Variants in LPP observed in about 807,000 individuals in gnomAD.
LPP encodes lipoma-preferred partner.
Under a neutral mutation model 60.4 loss-of-function variants are expected in LPP, and 38 were observed. The observed-to-expected ratio is 0.63, with a 90% CI of 0.49 to 0.83. The LOEUF is 0.83. LPP is among the 40% of genes least tolerant of loss of function. The pLI is 0.00. For missense variants in LPP, 902 were observed against 783.6 expected (o/e 1.15, Z -1.80); for synonymous variants, 328 against 290.8 (o/e 1.13, Z -1.30).
chr3:188,539,932 G>A (rs1048826556), intron 6 of LPP, among the ~76,000 whole-genome samples: 4 of 152,056 alleles, frequency 2.6e-5, no homozygotes, highest in African/African-American at 9.7e-5. Context: ...TATAAAACTT[G>A]GAAGGAAGAA....
intron 2 of LPP, among the ~76,000 whole-genome samples, chr3:188,294,083 A>G (rs972367680): frequency 1.4e-5 from 2 of 142,614 alleles, no homozygotes; most frequent in African/African-American, 2.7e-5. Flanking sequence ...AAAAAAAAAA[A>G]GCCAGTTATG....
At chr3:188,761,596 C>T (rs138394025) in intron 9 of LPP, among the ~76,000 whole-genome samples, 4 of 152,306 alleles carry the variant, frequency 2.6e-5, no homozygotes, top group African/African-American at 4.8e-5. Context: ...AAAGCGACTT[C>T]GTATGACCTA....
intron 1 of LPP, among the ~76,000 whole-genome samples, chr3:188,193,828 G>C (rs1361652832): frequency 1.3e-5 from 2 of 152,134 alleles, no homozygotes; most frequent in Non-Finnish European, 2.9e-5. Context: ...ATTTTTCCTG[G>C]AGTTACACTG....
chr3:188,760,262 T>C lies in LPP; in HGVS notation c.1390T>C (p.Tyr464His). The C allele has an allele frequency of 6.2e-7, 1 of 1,614,136 alleles. No homozygotes were observed. Among genetic ancestry groups the C allele is most frequent in the Non-Finnish European group, 8.5e-7 (1 of 1,180,012 alleles). The change falls in exon 9 of 12, where the codon TAC becomes CAC. Residue 464 changes from tyrosine (Y) to histidine (H), a missense_variant. Physicochemically the swap from Tyr to His is moderately conservative, Grantham distance 83. Transcript: ENST00000617246. ...ATTCTATGCTGTGGAAAAGAAAGCA[T>C]ACTGCGAGCCCTGCTACATTGTAAG... ...QPFYAVEKKA[Y>H]CEPCYINTLE... is the part of the protein sequence containing the mutation.
intron 2 of LPP, among the ~76,000 whole-genome samples, chr3:188,263,006 TAGCTG>T (rs1325408586): frequency 6.6e-6 from 1 of 152,142 alleles, no homozygotes; most frequent in African/African-American, 2.4e-5. Context: ...CTGTGTCCTT[TAGCTG>T]AGCTATTTTT....
At chr3:188,402,409 C>T (rs1440374311) in intron 3 of LPP, among the ~76,000 whole-genome samples, 1 of 152,140 alleles carries the variant, frequency 6.6e-6, no homozygotes, top group Non-Finnish European at 1.5e-5. Flanking sequence ...ACTTTATCAA[C>T]ATATTTCATT....
chr3:188,241,403 C>T (rs1356409540), intron 2 of LPP, among the ~76,000 whole-genome samples: 2 of 152,210 alleles, frequency 1.3e-5, no homozygotes, highest in Non-Finnish European at 2.9e-5. Flanking sequence ...TTAAGCATCT[C>T]CCTACTCGTT....
chr3:188,394,289 G>T (rs1184248234), intron 3 of LPP, among the ~76,000 whole-genome samples: 4 of 152,180 alleles, frequency 2.6e-5, no homozygotes, highest in Non-Finnish European at 5.9e-5. Context: ...GGACCAATAG[G>T]TGGTACTTAT....
In LPP at chr3:188,182,485, C is replaced by T. The variant is rs1004950305; in HGVS notation, c.-190+28233C>T. ...ACACAATTTGTTTCACATACAGCAC[C>T]AGCTGCCATCTGGCCTAGTGAGACC... On this transcript the variant is annotated intron_variant, in intron 1 of 11. Transcript: ENST00000617246. This position sits in a 1 kb window ranked among gnomAD's most constrained non-coding sequence, Gnocchi z 4.4. Among the ~76,000 whole-genome samples the T allele has an allele frequency of 4.6e-5, 7 of 152,122 alleles. No individual in the cohort carries two copies. Among genetic ancestry groups the T allele is most frequent in the African/African-American group, 1.7e-4 (7 of 41,428 alleles).
Position 188,871,283 on chromosome 3 carries a change from A to T in LPP, c.1590-1360A>T, listed in dbSNP as rs562803897. Among the ~76,000 whole-genome samples the T allele has an allele frequency of 2.0e-5, 3 of 152,324 alleles. No homozygotes were observed. In the South Asian group the frequency reaches 6.2e-4, roughly 32 times the overall value. ...ATTTCACCACTGATGACCCAGATTT[A>T]AAAATAATCTGGTAGTCCAAAGCAA... On this transcript the variant is annotated intron_variant, in intron 10 of 11. Coordinates refer to ENST00000617246, the MANE Select transcript of LPP (RefSeq NM_001375462.1).
intron 4 of LPP, among the ~76,000 whole-genome samples, chr3:188,437,208 G>C (rs1792536627): frequency 6.6e-6 from 1 of 152,188 alleles, no homozygotes; most frequent in African/African-American, 2.4e-5. Flanking sequence ...CTTAGGTACA[G>C]TGCTTTTTCT....
At chr3:188,527,019 C>T (rs142345398) in intron 6 of LPP, among the ~76,000 whole-genome samples, 28 of 152,136 alleles carry the variant, frequency 1.8e-4, no homozygotes, top group African/African-American at 5.3e-4. Context: ...TTGTATCGTT[C>T]GAGACAGCAG....
rs150186460 is a variant in LPP, at chr3:188,358,942, G to A, written c.-10+17223G>A. On this transcript the variant is annotated intron_variant, in intron 3 of 11. Transcript: ENST00000617246. ...GCTGCACCCTCTGGTGCTCTATTAG[G>A]TGCTGACAGTGCGTGTTAACATGCC... Among the ~76,000 whole-genome samples the A allele has an allele frequency of 6.4e-3, 975 of 152,272 alleles. 10 individuals carry two copies. Among genetic ancestry groups the A allele is most frequent in the African/African-American group, 0.022 (912 of 41,542 alleles).
chr3:188,277,454 G>A (rs887889243), intron 2 of LPP, among the ~76,000 whole-genome samples: 3 of 152,070 alleles, frequency 2.0e-5, no homozygotes, highest in Admixed American at 2.0e-4. Flanking sequence ...TCCCAGAGGA[G>A]GTGCTCAGTA....
chr3:188,407,184 A>G (rs903270037), intron 4 of LPP, among the ~76,000 whole-genome samples: 2 of 142,198 alleles, frequency 1.4e-5, no homozygotes, highest in African/African-American at 2.4e-5. Flanking sequence ...TCCCACCATT[A>G]AAAAAATTAT....
chr3:188,221,012 A>T (rs1715575716), intron 1 of LPP, among the ~76,000 whole-genome samples: 1 of 152,148 alleles, frequency 6.6e-6, no homozygotes, highest in Non-Finnish European at 1.5e-5. Flanking sequence ...CACTTCCCGA[A>T]ACGCAACACC....
chr3:188,655,741 A>T (rs2149033450), intron 7 of LPP, among the ~76,000 whole-genome samples: 1 of 152,198 alleles, frequency 6.6e-6, no homozygotes, highest in East Asian at 1.9e-4. Context: ...AATCTACTAT[A>T]GAATAGAGAG....
At chr3:188,871,579 T>G (rs1163572111) in intron 10 of LPP, among the ~76,000 whole-genome samples, 1 of 152,246 alleles carries the variant, frequency 6.6e-6, no homozygotes, top group Non-Finnish European at 1.5e-5. Flanking sequence ...TATCATTATT[T>G]CTTTTTAAGT....
chr3:188,215,044 G>A (rs988687186), intron 1 of LPP, among the ~76,000 whole-genome samples: 2 of 152,078 alleles, frequency 1.3e-5, no homozygotes, highest in African/African-American at 4.8e-5. Context: ...GGTGGCTCAC[G>A]CCTGTAATCC....
Sources: allele counts gnomAD v4.1 joint callset (sites outside exome capture counted in the v4.1 genomes callset), GRCh38; gene constraint gnomAD v4.1.1; non-coding constraint Gnocchi (gnomAD v3.1); transcripts MANE v1.5; gene names NCBI Gene and HGNC (gene_info 2026-07-23, HGNC 2026-07-21).